ANKIB1: variants seen among roughly 807,000 people sequenced by gnomAD.
The protein encoded by ANKIB1 is ankyrin repeat and IBR domain containing 1, also known as ankyrin repeat and IBR domain-containing protein 1.
A neutral mutation model predicts 122.1 loss-of-function variants in ANKIB1; 43 were observed. The observed-to-expected ratio is 0.35, with a 90% CI of 0.28 to 0.45. The LOEUF (loss-of-function observed/expected upper bound fraction) is 0.45, where lower values mean the gene tolerates loss of function less well. ANKIB1 is among the 20% of genes least tolerant of loss of function. The pLI is 1.00. For synonymous variants in ANKIB1, 390 were observed against 442.0 expected, an observed-to-expected ratio of 0.88 and a Z score of 1.48; for missense variants, 992 against 1,329.5, an observed-to-expected ratio of 0.75 and a Z score of 3.95.
intron 3 of ANKIB1, among the ~76,000 whole-genome samples, chr7:92,310,175 C>A (rs1290938358): frequency 6.6e-6 from 1 of 151,616 alleles, no homozygotes; most frequent in Non-Finnish European, 1.5e-5. Context: ...TTGCTTGATA[C>A]GTATGTGTGA....
intron 1 of ANKIB1, among the ~76,000 whole-genome samples, chr7:92,272,164 A>C (rs1335425700): frequency 2.0e-5 from 3 of 152,192 alleles, no homozygotes; most frequent in Admixed American, 6.5e-5. Flanking sequence ...AATGATTAAA[A>C]TGGTAAATTT....
chr7:92,371,674 C>T, intron 11 of ANKIB1, 67 bp downstream of exon 11: 1 of 1,517,950 alleles, frequency 6.6e-7, no homozygotes, highest in South Asian at 1.2e-5. Flanking sequence ...ATTGTCAATC[C>T]AAAGGATAAA....
chr7:92,258,266 A>C (rs1801488509), intron 1 of ANKIB1, among the ~76,000 whole-genome samples: 1 of 152,222 alleles, frequency 6.6e-6, no homozygotes, highest in Non-Finnish European at 1.5e-5. Flanking sequence ...AATGAAAAAT[A>C]ATAAGGTTCC....
At chr7:92,260,829 C>T (rs953246758) in intron 1 of ANKIB1, among the ~76,000 whole-genome samples, 4 of 152,186 alleles carry the variant, frequency 2.6e-5, no homozygotes, top group African/African-American at 7.2e-5. Flanking sequence ...CTGCATTCCC[C>T]TTCGCCTACA....
chr7:92,346,406 A>G (rs1409486019), intron 7 of ANKIB1, among the ~76,000 whole-genome samples: 1 of 152,058 alleles, frequency 6.6e-6, no homozygotes, highest in Admixed American at 6.5e-5. Flanking sequence ...GTCTGGTTTG[A>G]TTTTGAGTAC....
intron 4 of ANKIB1, among the ~76,000 whole-genome samples, chr7:92,320,447 A>G (rs1247551694): frequency 6.6e-6 from 1 of 152,114 alleles, no homozygotes; most frequent in Non-Finnish European, 1.5e-5. Flanking sequence ...CTTCTTAATG[A>G]AACACTTTCC....
intron 11 of ANKIB1, among the ~76,000 whole-genome samples, chr7:92,379,894 C>T (rs998120637): frequency 1.2e-4 from 18 of 152,006 alleles, no homozygotes; most frequent in East Asian, 3.9e-4. Context: ...TGGGACTGGT[C>T]GGGAAGTGGG....
At chr7:92,355,848 C>CATA (rs5885805) in intron 9 of ANKIB1, among the ~76,000 whole-genome samples, 29,873 of 143,130 alleles carry the variant, frequency 0.21, 3,345 homozygotes, top group East Asian at 0.42. Flanking sequence ...GACTCCGTCT[C>CATA]ATAATAATAA....
At chr7:92,343,571 C>T (rs564281049) in intron 6 of ANKIB1, among the ~76,000 whole-genome samples, 160 of 152,224 alleles carry the variant, frequency 1.1e-3, no homozygotes, top group Middle Eastern at 6.8e-3. Flanking sequence ...GTAGCTCATG[C>T]CTATAATCCT....
In ANKIB1 at chr7:92,399,139, G is replaced by A. The variant is rs1005911572; in HGVS notation, c.*190G>A. Reference sequence around the variant, plus strand: ...TTTAACCTTACAGGGAATTTCCTTTGTACTTAATTGAATAGCTTTTCCCCT... The same window carrying A: ...TTTAACCTTACAGGGAATTTCCTTTATACTTAATTGAATAGCTTTTCCCCT... On this transcript the variant is annotated 3_prime_UTR_variant, in exon 20 of 20. Transcript: ENST00000265742. The A allele has an allele frequency of 1.4e-5, 7 of 510,894 alleles. No homozygotes were observed. The highest frequency in any genetic ancestry group is 2.2e-5 in the Non-Finnish European group (7 of 323,424). 31.6% of individuals were successfully genotyped at this position (510,894 alleles called of 1,614,324 possible).
intron 1 of ANKIB1, among the ~76,000 whole-genome samples, chr7:92,279,388 A>G (rs1484444433): frequency 6.6e-6 from 1 of 152,212 alleles, no homozygotes; most frequent in Non-Finnish European, 1.5e-5. Flanking sequence ...ATCACAAATT[A>G]AGAATGCAAT....
chr7:92,281,374 T>C (rs1362498002), intron 1 of ANKIB1, among the ~76,000 whole-genome samples: 2 of 152,192 alleles, frequency 1.3e-5, no homozygotes, highest in East Asian at 3.9e-4. Context: ...TCCTATCAGT[T>C]AGGGTGGTGG....
intron 1 of ANKIB1, among the ~76,000 whole-genome samples, chr7:92,257,509 G>A (rs1411896115): frequency 2.6e-5 from 4 of 152,212 alleles, no homozygotes; most frequent in South Asian, 2.1e-4. Context: ...AAAGATTACT[G>A]TAGCCAGACG....
rs1802324256 is a variant in ANKIB1 at position 92,294,968 on chromosome 7, C to A, written c.-11C>A. 1.3e-6 allele frequency: 2 copies of A among 1,570,786 alleles called. No individual in the cohort carries two copies. Among genetic ancestry groups the A allele is most frequent in the East Asian group, 4.6e-5 (2 of 43,736 alleles). ...AAGTGCCACTGCCTATCAGAAAAAA[C>A]AAAACAAAACATGGGAAATACAACC... On this transcript the variant is annotated 5_prime_UTR_variant, in exon 2 of 20. Coordinates refer to ENST00000265742, the MANE Select transcript of ANKIB1 (RefSeq NM_019004.2).
chr7:92,315,340 T>C (rs1802774335), intron 3 of ANKIB1, among the ~76,000 whole-genome samples: 1 of 152,164 alleles, frequency 6.6e-6, no homozygotes, highest in South Asian at 2.1e-4. Context: ...CTGTTGATAA[T>C]TACAACTAAA....
In ANKIB1 at chr7:92,359,608, A is replaced by G. The variant is rs368102751; in HGVS notation, c.1398-2577A>G. ...ACCCAGTAATGGGATTGCTGGGTCAAATGGTATTTCTAGTTCTAGATCCTT... is the reference window on the plus strand; with the variant it reads ...ACCCAGTAATGGGATTGCTGGGTCAGATGGTATTTCTAGTTCTAGATCCTT... On this transcript the variant is annotated intron_variant, in intron 9 of 19. Coordinates refer to ENST00000265742, the MANE Select transcript of ANKIB1 (RefSeq NM_019004.2). Among the ~76,000 whole-genome samples the G allele has an allele frequency of 6.6e-5, 10 of 152,276 alleles. No homozygotes were observed. In the East Asian group the frequency reaches 1.9e-3, roughly 29 times the overall value.
At chr7:92,259,347 C>T (rs1801513557) in intron 1 of ANKIB1, among the ~76,000 whole-genome samples, 1 of 152,198 alleles carries the variant, frequency 6.6e-6, no homozygotes, top group Non-Finnish European at 1.5e-5. Context: ...CTCCATGGTT[C>T]TTACCACCTT....
At chr7:92,339,181 A>G (rs1803380563) in intron 5 of ANKIB1, among the ~76,000 whole-genome samples, 1 of 149,476 alleles carries the variant, frequency 6.7e-6, no homozygotes, top group South Asian at 2.1e-4. Context: ...AGCTGGGACA[A>G]CAGGCACCTG....
chr7:92,359,541 TG>T (rs1376350343), intron 9 of ANKIB1, among the ~76,000 whole-genome samples: 2 of 152,204 alleles, frequency 1.3e-5, no homozygotes, highest in Non-Finnish European at 2.9e-5. Context: ...TATGTGTGTG[TG>T]TGTCTTTATA....
Sources: gnomAD v4.1 joint callset for allele counts (sites outside exome capture counted in the v4.1 genomes callset) on GRCh38, gnomAD v4.1.1 for gene constraint, MANE v1.5 for transcripts, NCBI Gene and HGNC (gene_info 2026-07-23, HGNC 2026-07-21) for gene names.